The following ATP13A5 variants were observed in gnomAD, a reference collection of about 807,000 sequenced individuals.
ATP13A5 encodes the protein probable cation-transporting ATPase 13A5.
A neutral mutation model predicts 150.2 loss-of-function variants in ATP13A5; 149 were observed. That is an observed-to-expected ratio of 0.99 (90% CI 0.87 to 1.14). ATP13A5 has a LOEUF of 1.14. Among genes scored for constraint, ATP13A5 ranks in the 50% most tolerant of loss-of-function variants. The pLI, the probability that ATP13A5 is intolerant of heterozygous loss-of-function variation, is 0.00. For missense variants in ATP13A5, 1,383 were observed against 1,449.3 expected (o/e 0.95, Z 0.74); for synonymous variants, 497 against 522.2 (o/e 0.95, Z 0.66).
At chr3:193,340,503 G>A (rs998807270) in intron 9 of ATP13A5, among the ~76,000 whole-genome samples, 17 of 152,166 alleles carry the variant, frequency 1.1e-4, no homozygotes, top group African/African-American at 3.1e-4. Context: ...ACAGGATATC[G>A]ATGTGAGATC....
At chr3:193,314,888 T>A in intron 18 of ATP13A5, 84 bp downstream of exon 18, 1 of 1,531,114 alleles carries the variant, frequency 6.5e-7, no homozygotes, top group Non-Finnish European at 8.9e-7. Context: ...CTGTCTCTGA[T>A]ACATGAACTC....
Position 193,275,206 on chromosome 3 carries a change from C to T in ATP13A5, c.3493G>A (p.Ala1165Thr). The change falls in exon 30 of 30, where the codon GCA becomes ACA. Residue 1165 changes from alanine to threonine, a missense_variant. Coordinates refer to ENST00000342358, the MANE Select transcript of ATP13A5 (RefSeq NM_198505.4). ...SQYRTWQKKL[A>T]EDSTWPPINR... is the part of the protein sequence containing the mutation. The stretch of plus-strand genomic sequence containing the variant: ...ATGGGAGGCCAGGTTGAGTCTTCTG[C>T]TAGCTTCTTTTGCCAAGTCCTATAT... 6.2e-7 allele frequency: 1 copy of T among 1,614,192 alleles called. No homozygotes were observed. The highest frequency in any genetic ancestry group is 8.5e-7 in the Non-Finnish European group (1 of 1,180,034).
chr3:193,362,532 A>T, intron 4 of ATP13A5, 35 bp downstream of exon 4: 1 of 1,612,986 alleles, frequency 6.2e-7, no homozygotes, highest in Non-Finnish European at 8.5e-7. Flanking sequence ...TTTCCCCTAT[A>T]TCCTGACCAA....
chr3:193,323,611 TTTA>T (rs1719363424), intron 14 of ATP13A5: 1 of 152,228 alleles, frequency 6.6e-6, no homozygotes, highest in South Asian at 2.1e-4. Flanking sequence ...CATCACCGTG[TTTA>T]TCCCAATGAT....
At chr3:193,309,195 G>C (rs1252464038) in intron 21 of ATP13A5, among the ~76,000 whole-genome samples, 1 of 152,140 alleles carries the variant, frequency 6.6e-6, no homozygotes, top group Non-Finnish European at 1.5e-5. Context: ...TTTTTGAAGG[G>C]GGTAATAAAG....
At chr3:193,303,797 A>G (rs560925370) in intron 23 of ATP13A5, among the ~76,000 whole-genome samples, 1 of 151,580 alleles carries the variant, frequency 6.6e-6, no homozygotes, top group Non-Finnish European at 1.5e-5. Context: ...GTGTGTGTAT[A>G]TAAATATATA....
Position 193,307,387 on chromosome 3 carries a change from A to G in ATP13A5, c.2526-18T>C, listed in dbSNP as rs562069828. ...CATAATAACTGCGGGAGACAGGAGA[A>G]GAAGGATTAATAGGTAAGAAAAATG... On this transcript the variant is annotated intron_variant, in intron 21 of 29. Transcript: ENST00000342358. The G allele has an allele frequency of 2.5e-6, 4 of 1,613,594 alleles. No homozygotes were observed. In the African/African-American group the frequency reaches 5.3e-5, roughly 22 times the overall value.
chr3:193,314,800 T>TG (rs907132545), intron 18 of ATP13A5, among the ~76,000 whole-genome samples, 172 bp downstream of exon 18: 2 of 152,214 alleles, frequency 1.3e-5, no homozygotes, highest in African/African-American at 4.8e-5. Flanking sequence ...TCAAAGCTTC[T>TG]GGTCCTGTCG....
At chr3:193,290,698 A>G (rs968572019) in intron 25 of ATP13A5, among the ~76,000 whole-genome samples, 1 of 152,134 alleles carries the variant, frequency 6.6e-6, no homozygotes, top group Non-Finnish European at 1.5e-5. Flanking sequence ...GTGTTAAACT[A>G]TATTGTATTT....
At chr3:193,291,708 C>T (rs1717960312) in intron 25 of ATP13A5, among the ~76,000 whole-genome samples, 1 of 151,936 alleles carries the variant, frequency 6.6e-6, no homozygotes, top group African/African-American at 2.4e-5. Flanking sequence ...AAACTCCAGA[C>T]ACCGAAGCTC....
intron 28 of ATP13A5, among the ~76,000 whole-genome samples, chr3:193,278,434 T>C (rs1311790085): frequency 2.6e-5 from 4 of 152,196 alleles, no homozygotes; most frequent in African/African-American, 9.7e-5. Flanking sequence ...TATTCATTCT[T>C]GTTCATACTC....
At chr3:193,316,289 T>G (rs1719049636) in intron 17 of ATP13A5, among the ~76,000 whole-genome samples, 1 of 152,156 alleles carries the variant, frequency 6.6e-6, no homozygotes, top group Non-Finnish European at 1.5e-5. Flanking sequence ...GATACCTTTT[T>G]TTGAGATCCC....
chr3:193,377,206 C>G (rs1560157318), intron 1 of ATP13A5, among the ~76,000 whole-genome samples: 1 of 152,330 alleles, frequency 6.6e-6, no homozygotes, highest in South Asian at 2.1e-4. Flanking sequence ...TCAGAGCTAA[C>G]AGAATTGTTC....
intron 27 of ATP13A5, among the ~76,000 whole-genome samples, chr3:193,283,337 C>A (rs144454024): frequency 2.6e-5 from 4 of 152,170 alleles, no homozygotes; most frequent in South Asian, 4.1e-4. Flanking sequence ...TTAGAAAAAA[C>A]TTCCTGTGCA....
At chr3:193,349,940 T>G (rs985772176) in intron 7 of ATP13A5, among the ~76,000 whole-genome samples, 8 of 152,126 alleles carry the variant, frequency 5.3e-5, no homozygotes, top group African/African-American at 1.9e-4. Flanking sequence ...AACACGCCCA[T>G]ACTGTAGTAG....
intron 20 of ATP13A5, 125 bp from the exon 21 acceptor site, chr3:193,310,842 G>A: frequency 3.4e-6 from 2 of 596,622 alleles, no homozygotes; most frequent in Admixed American, 6.8e-5. Context: ...TATGTCATTA[G>A]ACCAATACCA....
chr3:193,328,587 C>T (rs1270623080), intron 12 of ATP13A5, among the ~76,000 whole-genome samples: 1 of 151,992 alleles, frequency 6.6e-6, no homozygotes, highest in Admixed American at 6.6e-5. Context: ...GAAAATGACC[C>T]CTTAACAATA....
chr3:193,322,577 G>A lies in ATP13A5; in HGVS notation c.1675-3C>T, dbSNP rs762163075. Reference sequence around the variant, plus strand: ...TCTACAATGCAATCTTCCATTTTCTGTTATAAAATGAAAACATTCATAAGA... The same window carrying A: ...TCTACAATGCAATCTTCCATTTTCTATTATAAAATGAAAACATTCATAAGA... On this transcript the variant is annotated splice_region_variant and splice_polypyrimidine_tract_variant and intron_variant, in intron 14 of 29. Transcript: ENST00000342358. 3.1e-6 allele frequency: 5 copies of A among 1,592,730 alleles called. No homozygotes were observed. The South Asian group carries it at 4.5e-5, about 14-fold the overall frequency.
At position 193,362,462 on chromosome 3, in the gene ATP13A5, C is replaced by G; in HGVS notation, c.456-1G>C. The G allele has an allele frequency of 6.2e-7, 1 of 1,614,066 alleles. No individual in the cohort carries two copies. The highest frequency in any genetic ancestry group is 2.2e-5 in the East Asian group (1 of 44,870). ...GCAGGAATTGCTGTCTTCTAGCAAC[C>G]TAGGATGTATTCAGGATAGGAACCA... On this transcript the variant is annotated splice_acceptor_variant, in intron 4 of 29. Coordinates refer to ENST00000342358, the MANE Select transcript of ATP13A5 (RefSeq NM_198505.4). LOFTEE classifies it high-confidence loss of function.
Sources: gnomAD v4.1 joint callset for allele counts (sites outside exome capture counted in the v4.1 genomes callset) on GRCh38, gnomAD v4.1.1 for gene constraint, MANE v1.5 for transcripts, NCBI Gene and HGNC (gene_info 2026-07-23, HGNC 2026-07-21) for gene names.